STK17B: variants seen among roughly 807,000 people sequenced by gnomAD.
STK17B encodes the protein serine/threonine kinase 17b, also known as serine/threonine-protein kinase 17B.
STK17B carries 21 observed loss-of-function variants against 42.0 expected under a neutral mutation model. The observed-to-expected ratio is 0.50, with a 90% CI of 0.35 to 0.72. The LOEUF (loss-of-function observed/expected upper bound fraction) is 0.72. Ranked by LOEUF, STK17B falls within the 30% of genes least tolerant of loss-of-function variation. The pLI is 0.00. For missense variants in STK17B, 349 were observed against 446.0 expected (o/e 0.78, Z 1.96); for synonymous variants, 143 against 148.4 (o/e 0.96, Z 0.26).
At position 196,167,163 on chromosome 2, in the gene STK17B, C is replaced by T. The variant is rs1036133883; in HGVS notation, c.-44-3736G>A. On this transcript the variant is annotated intron_variant, in intron 1 of 7. Coordinates refer to ENST00000263955, the MANE Select transcript of STK17B (RefSeq NM_004226.4). ...ACAGAATGGCCTCTCCCCCAGGAAG[C>T]TTTGCCTAAAAACCACAGGCTGATT... Among the ~76,000 whole-genome samples, 4 of 152,320 alleles carry T rather than the reference C, an allele frequency of 2.6e-5. No homozygotes were observed. In the South Asian group the frequency reaches 6.2e-4, roughly 24 times the overall value.
chr2:196,136,729 C>G lies in STK17B; in HGVS notation c.*718G>C, dbSNP rs188175785. 6.9e-4 allele frequency: 105 copies of G among 152,184 alleles called. 1 individual carries two copies. The highest frequency in any genetic ancestry group is 2.5e-3 in the African/African-American group (102 of 41,520). 9.4% of individuals were successfully genotyped at this position (152,184 alleles called of 1,614,324 possible). On this transcript the variant is annotated 3_prime_UTR_variant, in exon 8 of 8. Transcript: ENST00000263955. ...TACCAAATATCTCCATCTTCCAGACCTTATCAGATCTCAAGTAGGTTGGGA... is the reference window on the plus strand; with the variant it reads ...TACCAAATATCTCCATCTTCCAGACGTTATCAGATCTCAAGTAGGTTGGGA...
chr2:196,162,885 G>A (rs1010571575), intron 2 of STK17B, among the ~76,000 whole-genome samples: 2 of 151,906 alleles, frequency 1.3e-5, no homozygotes, highest in Non-Finnish European at 2.9e-5. Flanking sequence ...GTGAGACCCC[G>A]CCACAAACAA....
At chr2:196,169,757 T>C (rs1262286158) in intron 1 of STK17B, among the ~76,000 whole-genome samples, 1 of 152,190 alleles carries the variant, frequency 6.6e-6, no homozygotes, top group Non-Finnish European at 1.5e-5. Context: ...CACTAATCAA[T>C]GATCCCAAGA....
chr2:196,152,040 T>C (rs886113286), intron 3 of STK17B, among the ~76,000 whole-genome samples: 12 of 151,664 alleles, frequency 7.9e-5, no homozygotes, highest in Admixed American at 4.6e-4. Context: ...AAAGAGGCTA[T>C]AGTTGTTCCA....
At chr2:196,139,532 A>G (rs1478235669) in intron 7 of STK17B, 88 bp downstream of exon 7, 11 of 843,554 alleles carry the variant, frequency 1.3e-5, no homozygotes, top group Non-Finnish European at 1.6e-5. Context: ...TTTAGAATAT[A>G]CTTTCTTAAT....
intron 3 of STK17B, among the ~76,000 whole-genome samples, chr2:196,155,584 CTT>C (rs1260697115): frequency 1.3e-5 from 2 of 152,080 alleles, no homozygotes; most frequent in African/African-American, 2.4e-5. Flanking sequence ...AAAATAAACA[CTT>C]ATCTCTTCTT....
chr2:196,161,310 C>A (rs1699809314), intron 2 of STK17B, among the ~76,000 whole-genome samples: 1 of 150,802 alleles, frequency 6.6e-6, no homozygotes. Context: ...AAAAAAAAAA[C>A]CTTTCTTCCT....
chr2:196,168,733 C>G (rs1350380995), intron 1 of STK17B, among the ~76,000 whole-genome samples: 1 of 152,034 alleles, frequency 6.6e-6, no homozygotes, highest in Non-Finnish European at 1.5e-5. Context: ...AAAGTATGCC[C>G]TGAAAATTGC....
Position 196,139,722 on chromosome 2 carries a change from A to G in STK17B, c.734T>C (p.Leu245Pro). 6.8e-7 allele frequency: 1 copy of G among 1,464,346 alleles called. No individual in the cohort carries two copies. Among genetic ancestry groups the G allele is most frequent in the Non-Finnish European group, 9.0e-7 (1 of 1,105,402 alleles). The allele number at this position is 1,464,346 out of a possible 1,614,324, so 90.7% of individuals were successfully genotyped here. The change falls in exon 7 of 8, where the codon CTC becomes CCC. Residue 245 changes from leucine (L) to proline (P), a missense_variant. By Grantham distance (98) the Leu-to-Pro change is moderately conservative. This residue lies in a region of STK17B where 256 missense variants were observed against 347.7 expected (regional missense o/e 0.74). Coordinates refer to ENST00000263955, the MANE Select transcript of STK17B (RefSeq NM_004226.4). ...ATCTACATTAACTTGAGAAATATTGAGGTATGTTTCTTGATTATCTTCTCC... is the reference window on the plus strand; with the variant it reads ...ATCTACATTAACTTGAGAAATATTGGGGTATGTTTCTTGATTATCTTCTCC... ...FVGEDNQETY[L>P]NISQVNVDYS...
In STK17B at chr2:196,137,566, A is replaced by G. The variant is rs117222182; in HGVS notation, c.1000T>C (p.Cys334Arg). 1.5e-4 allele frequency: 248 copies of G among 1,614,108 alleles called. No individual in the cohort carries two copies. The East Asian group carries it at 3.7e-3, about 24-fold the overall frequency. Residue 334 changes from cysteine (C) to arginine (R), a missense_variant, in exon 8 of 8, where the codon TGT becomes CGT. Cys to Arg is a radical substitution (Grantham distance 180). This residue lies in a region of STK17B where 87 missense variants were observed against 78.8 expected (regional missense o/e 1.10). Coordinates refer to ENST00000263955, the MANE Select transcript of STK17B (RefSeq NM_004226.4). ...KTSKSSCNGT[C>R]GDREDKENIP... The stretch of plus-strand genomic sequence containing the variant: ...TTCTCTTTGTCTTCTCTATCACCAC[A>G]GGTTCCATTACAGGAGGATTTAGAA...
intron 1 of STK17B, among the ~76,000 whole-genome samples, chr2:196,166,695 G>C (rs1699877828): frequency 6.6e-6 from 1 of 152,148 alleles, no homozygotes; most frequent in South Asian, 2.1e-4. Flanking sequence ...AAGTAGATCA[G>C]TGAAGGAAGG....
At chr2:196,168,711 A>C (rs1699899664) in intron 1 of STK17B, among the ~76,000 whole-genome samples, 1 of 152,208 alleles carries the variant, frequency 6.6e-6, no homozygotes, top group Admixed American at 6.5e-5. Context: ...AAAGGATAAT[A>C]AAAAACTTAA....
At chr2:196,144,700 C>T (rs1187397878) in intron 4 of STK17B, among the ~76,000 whole-genome samples, 1 of 152,022 alleles carries the variant, frequency 6.6e-6, no homozygotes, top group African/African-American at 2.4e-5. Context: ...ACACCTCATC[C>T]ATTGCCTCCT....
chr2:196,139,903 T>G (rs1483328087), intron 6 of STK17B, 104 bp from the exon 7 acceptor site: 1 of 778,424 alleles, frequency 1.3e-6, no homozygotes, highest in African/African-American at 1.8e-5. Flanking sequence ...ACTGGTACGG[T>G]TAAACTACAG....
In STK17B at chr2:196,133,603, T is replaced by C. The variant is rs1244378536; in HGVS notation, c.*3844A>G. 2.0e-5 allele frequency: 3 copies of C among 152,254 alleles called. No individual in the cohort carries two copies. Among genetic ancestry groups the C allele is most frequent in the Admixed American group, 1.3e-4 (2 of 15,288 alleles). The allele number at this position is 152,254 out of a possible 1,614,324, so 9.4% of individuals were successfully genotyped here. ...TTATATGCCTTTACAGATATGTTTA[T>C]TAGACACAAAGAGGGTTCATAGATG... On this transcript the variant is annotated 3_prime_UTR_variant, in exon 8 of 8. Coordinates refer to ENST00000263955, the MANE Select transcript of STK17B (RefSeq NM_004226.4).
At chr2:196,166,311 C>T (rs1435464968) in intron 1 of STK17B, 1 of 152,172 alleles carries the variant, frequency 6.6e-6, no homozygotes, top group East Asian at 1.9e-4. Context: ...TATGAGTCAG[C>T]TCTCTGTCGC....
chr2:196,147,137 T>C (rs1699587953), intron 3 of STK17B, among the ~76,000 whole-genome samples: 1 of 152,148 alleles, frequency 6.6e-6, no homozygotes, highest in Non-Finnish European at 1.5e-5. Flanking sequence ...TAAGATAAAA[T>C]TAGAACATCA....
Position 196,136,334 on chromosome 2 carries a change from A to G in STK17B, c.*1113T>C, listed in dbSNP as rs982373201. 30 of 152,512 alleles carry G rather than the reference A, an allele frequency of 2.0e-4. No individual in the cohort carries two copies. Among genetic ancestry groups the G allele is most frequent in the African/African-American group, 7.2e-4 (30 of 41,574 alleles). The allele number at this position is 152,512 out of a possible 1,614,324, so 9.4% of individuals were successfully genotyped here. On this transcript the variant is annotated 3_prime_UTR_variant, in exon 8 of 8. Coordinates refer to ENST00000263955, the MANE Select transcript of STK17B (RefSeq NM_004226.4). ...GCATTGGTCCCAGCAAAAGACCACA[A>G]TGAGGGGCCACTCTGCAGATGGCTT...
rs1169396129 is a variant in STK17B at position 196,135,325 on chromosome 2, G to A, written c.*2122C>T. 1 of 152,064 alleles carries A rather than the reference G, an allele frequency of 6.6e-6. No individual in the cohort carries two copies. The highest frequency in any genetic ancestry group is 1.5e-5 in the Non-Finnish European group (1 of 68,016). 9.4% of individuals were successfully genotyped at this position (152,064 alleles called of 1,614,324 possible). On this transcript the variant is annotated 3_prime_UTR_variant, in exon 8 of 8. Transcript: ENST00000263955. Reference sequence around the variant, plus strand: ...AAGTAAATGGACAATCAACAATTTAGAAACAACTCATCAGTTTTAGATATA... The same window carrying A: ...AAGTAAATGGACAATCAACAATTTAAAAACAACTCATCAGTTTTAGATATA...
Sources: gnomAD v4.1 joint callset for allele counts (sites outside exome capture counted in the v4.1 genomes callset) on GRCh38, gnomAD v4.1.1 for gene constraint, gnomAD v4.1.1 regional missense constraint, MANE v1.5 for transcripts, NCBI Gene and HGNC (gene_info 2026-07-23, HGNC 2026-07-21) for gene names.